CPT1A: variants seen among roughly 807,000 people sequenced by gnomAD.
The protein encoded by CPT1A is carnitine O-palmitoyltransferase 1, liver isoform.
A neutral mutation model predicts 100.8 loss-of-function variants in CPT1A; 64 were observed. The observed-to-expected ratio is 0.63, with a 90% CI of 0.52 to 0.78. The LOEUF (loss-of-function observed/expected upper bound fraction) is 0.78. Ranked by LOEUF, CPT1A falls within the 30% of genes least tolerant of loss-of-function variation. The pLI, the probability that CPT1A is intolerant of heterozygous loss-of-function variation, is 0.00. For missense variants in CPT1A, 802 were observed against 1,034.1 expected (o/e 0.78, Z 3.08); for synonymous variants, 363 against 396.0 (o/e 0.92, Z 0.99).
At position 68,762,704 on chromosome 11, in the gene CPT1A, CCT is replaced by C. The variant is rs1854664337; in HGVS notation, c.1796_1797del (p.Glu599GlyfsTer12). 1 of 1,613,930 alleles carries C rather than the reference CCT, an allele frequency of 6.2e-7. No individual in the cohort carries two copies. The highest frequency in any genetic ancestry group is 1.3e-5 in the African/African-American group (1 of 74,940). On this transcript the variant is annotated frameshift_variant, in exon 15 of 19. Coordinates refer to ENST00000265641, the MANE Select transcript of CPT1A (RefSeq NM_001876.4). LOFTEE classifies it high-confidence loss of function. ...YEASMTRLFR[E>X]GRTETVRSCT... is the part of the protein sequence containing the mutation. ...CAGGAGCGCACGGTCTCCGTCCTCCCCTCTCGGAAGAGCCGGGTCATGGAGGC... is the reference window on the plus strand; with the variant it reads ...CAGGAGCGCACGGTCTCCGTCCTCCCCTCGGAAGAGCCGGGTCATGGAGGC...
chr11:68,841,673 C>T lies in CPT1A; in HGVS notation c.-14+102G>A. 1 of 618,946 alleles carries T rather than the reference C, an allele frequency of 1.6e-6. No individual in the cohort carries two copies. 38.3% of individuals were successfully genotyped at this position (618,946 alleles called of 1,614,324 possible). A position where few individuals can be genotyped will look rare whatever the true frequency, so the allele number is the denominator to read the frequency against. ...GCCCCGGTTCCGGCGGCGTCCCCCA[C>T]CCGGTCCGGTTCCCGGCAGCCCCGC... On this transcript the variant is annotated intron_variant, in intron 1 of 18. Transcript: ENST00000265641. This position sits in a 1 kb window ranked among gnomAD's most constrained non-coding sequence, Gnocchi z 6.3.
At chr11:68,812,665 G>A in intron 2 of CPT1A, 89 bp from the exon 3 acceptor site, 2 of 1,498,198 alleles carry the variant, frequency 1.3e-6, no homozygotes, top group Non-Finnish European at 1.8e-6. Context: ...AGGGCTGCTG[G>A]GACAGCAGGC....
intron 16 of CPT1A, among the ~76,000 whole-genome samples, chr11:68,761,184 CAAT>C (rs1314872215): frequency 8.6e-5 from 13 of 150,770 alleles, no homozygotes; most frequent in Non-Finnish European, 5.9e-5. Context: ...TCTCAAAAAA[CAAT>C]AATAATATAT....
chr11:68,811,686 T>A (rs1239567365), intron 3 of CPT1A, among the ~76,000 whole-genome samples: 2 of 152,126 alleles, frequency 1.3e-5, no homozygotes, highest in African/African-American at 4.8e-5. Context: ...GCTTTCTCAC[T>A]GGTAAAAGGG....
At chr11:68,818,250 C>G (rs544181054) in intron 1 of CPT1A, among the ~76,000 whole-genome samples, 1 of 152,098 alleles carries the variant, frequency 6.6e-6, no homozygotes, top group Non-Finnish European at 1.5e-5. Context: ...AATGGGCCCT[C>G]GGGCTCCTGT....
chr11:68,812,937 G>A (rs1025791055), intron 2 of CPT1A, among the ~76,000 whole-genome samples: 6 of 151,720 alleles, frequency 4.0e-5, no homozygotes, highest in South Asian at 2.1e-4. Context: ...AGAATGCCCC[G>A]AGACCCCGGT....
intron 5 of CPT1A, among the ~76,000 whole-genome samples, chr11:68,802,584 A>G (rs1855932434): frequency 6.6e-6 from 1 of 151,292 alleles, no homozygotes; most frequent in African/African-American, 2.4e-5. Context: ...AAAAAAAAAT[A>G]TTAGCCAGGC....
Position 68,784,930 on chromosome 11 carries a change from C to T in CPT1A, c.1048G>A (p.Asp350Asn), listed in dbSNP as rs780010094. ...TCCCGGGGCTTCAGCAGCCGCCCAT[C>T]ATGGTAGAGCCAGACCTTGAAGTAG... ...GRYFKVWLYH[D>N]GRLLKPREME... The change falls in exon 10 of 19, where the codon GAT becomes AAT. Residue 350 changes from aspartate to asparagine, a missense_variant. Physicochemically the swap from Asp to Asn is conservative, Grantham distance 23. Coordinates refer to ENST00000265641, the MANE Select transcript of CPT1A (RefSeq NM_001876.4). 5 of 1,614,048 alleles carry T rather than the reference C, an allele frequency of 3.1e-6. No homozygotes were observed. In the African/African-American group the frequency reaches 6.7e-5, roughly 22 times the overall value.
In CPT1A at chr11:68,812,565, G is replaced by GTACACAC. The variant is rs1193114197; in HGVS notation, c.152_153insGTGTGTA (p.Ile51MetfsTer91). ...AGGGGCTTGCCGGGTACACGCCAGT[G>GTACACAC]ATGATGCCGTTCTAAAGACAGACAC... On this transcript the variant is annotated frameshift_variant, in exon 3 of 19. Coordinates refer to ENST00000265641, the MANE Select transcript of CPT1A (RefSeq NM_001876.4). LOFTEE classifies it high-confidence loss of function. 2 of 1,614,136 alleles carry GTACACAC rather than the reference G, an allele frequency of 1.2e-6. No homozygotes were observed. The highest frequency in any genetic ancestry group is 1.7e-6 in the Non-Finnish European group (2 of 1,180,006).
intron 18 of CPT1A, among the ~76,000 whole-genome samples, 166 bp downstream of exon 18, chr11:68,759,403 A>C (rs1270678527): frequency 6.6e-6 from 1 of 152,048 alleles, no homozygotes; most frequent in Non-Finnish European, 1.5e-5. Context: ...TCCAAAAAAA[A>C]AAAAATTTTT....
At chr11:68,816,974 TGTG>T (rs763060259) in intron 1 of CPT1A, among the ~76,000 whole-genome samples, 11 of 87,910 alleles carry the variant, frequency 1.3e-4, no homozygotes, top group Admixed American at 1.5e-4. Context: ...GTGTGTGTGG[TGTG>T]GGGGGGTGCG....
chr11:68,775,194 C>T (rs1271760602), intron 13 of CPT1A, 122 bp downstream of exon 13: 14 of 813,356 alleles, frequency 1.7e-5, no homozygotes, highest in Non-Finnish European at 2.7e-5. Flanking sequence ...AACTTTCAGC[C>T]TCAGTGGTCT....
At chr11:68,780,584 A>G in intron 12 of CPT1A, 56 bp downstream of exon 12, 1 of 1,498,140 alleles carries the variant, frequency 6.7e-7, no homozygotes, top group African/African-American at 1.4e-5. Context: ...GCGCCTGGCC[A>G]GGTTTGGATT....
chr11:68,788,079 GT>G (rs1855513788), intron 9 of CPT1A, among the ~76,000 whole-genome samples: 1 of 152,174 alleles, frequency 6.6e-6, no homozygotes, highest in African/African-American at 2.4e-5. Flanking sequence ...TGATGTTGGA[GT>G]TCCAGCCTGC....
intron 1 of CPT1A, among the ~76,000 whole-genome samples, chr11:68,821,655 A>G (rs1219698141): frequency 6.6e-6 from 1 of 152,248 alleles, no homozygotes; most frequent in African/African-American, 2.4e-5. Context: ...AATGCTATGT[A>G]AACAGTTGTT....
At chr11:68,787,893 G>A (rs959056849) in intron 9 of CPT1A, among the ~76,000 whole-genome samples, 3 of 148,536 alleles carry the variant, frequency 2.0e-5, no homozygotes, top group South Asian at 2.1e-4. Context: ...GCAGTGAGCC[G>A]AGATTGTGCA....
intron 12 of CPT1A, among the ~76,000 whole-genome samples, chr11:68,778,352 GGA>G (rs1320361942): frequency 6.6e-6 from 1 of 152,152 alleles, no homozygotes; most frequent in Admixed American, 6.5e-5. Flanking sequence ...CAGGCAGAGA[GGA>G]GAGTGAGTGC....
intron 3 of CPT1A, among the ~76,000 whole-genome samples, chr11:68,808,800 C>A (rs1440810796): frequency 2.0e-5 from 3 of 151,542 alleles, no homozygotes; most frequent in Admixed American, 2.0e-4. Context: ...AAAGGTGTCC[C>A]TAATATTTGA....
chr11:68,807,388 G>T (rs1018548706), intron 4 of CPT1A, 79 bp downstream of exon 4: 112 of 1,404,578 alleles, frequency 8.0e-5, no homozygotes, highest in Non-Finnish European at 9.0e-5. Context: ...GGTCGCAGGG[G>T]TGTCCTTCCG....
Sources: allele counts gnomAD v4.1 joint callset (sites outside exome capture counted in the v4.1 genomes callset), GRCh38; gene constraint gnomAD v4.1.1; non-coding constraint Gnocchi (gnomAD v3.1); transcripts MANE v1.5; gene names NCBI Gene and HGNC (gene_info 2026-07-23, HGNC 2026-07-21).